The following CEMIP variants were observed in gnomAD, a reference collection of about 807,000 sequenced individuals.
CEMIP encodes the protein cell migration inducing hyaluronidase 1.
In CEMIP, 105 loss-of-function variants were observed where a neutral mutation model predicts 156.9. That is an observed-to-expected ratio of 0.67 (90% CI 0.57 to 0.79). The LOEUF (loss-of-function observed/expected upper bound fraction) is 0.79, where lower values mean the gene tolerates loss of function less well. Among genes scored for constraint, CEMIP ranks in the 30% least tolerant of loss-of-function variants. The pLI is 0.00. For synonymous variants in CEMIP, 676 were observed against 668.4 expected (o/e 1.01, Z -0.17); for missense variants, 1,457 against 1,769.4 (o/e 0.82, Z 3.17).
At chr15:80,873,148 G>A (rs949733814) in intron 1 of CEMIP, among the ~76,000 whole-genome samples, 4 of 152,214 alleles carry the variant, frequency 2.6e-5, no homozygotes, top group Admixed American at 6.5e-5. Flanking sequence ...TAATGCAAGG[G>A]AGACTGAGGA....
chr15:80,882,757 TACAC>T (rs67853416), intron 6 of CEMIP, among the ~76,000 whole-genome samples: 45,824 of 149,816 alleles, frequency 0.31, 8,190 homozygotes, highest in Non-Finnish European at 0.42. Context: ...TGCACACACA[TACAC>T]ACACACACAC....
chr15:80,839,147 A>G (rs1897330353), intron 1 of CEMIP, among the ~76,000 whole-genome samples: 1 of 152,106 alleles, frequency 6.6e-6, no homozygotes, highest in Non-Finnish European at 1.5e-5. Flanking sequence ...TGGCAGCCAC[A>G]CTCAGTGAAG....
Position 80,874,024 on chromosome 15 carries a change from C to A in CEMIP, c.94+51C>A, listed in dbSNP as rs541560444. On this transcript the variant is annotated intron_variant, in intron 3 of 29. Coordinates refer to ENST00000394685, the MANE Select transcript of CEMIP (RefSeq NM_001293298.2). ...CTGTATCTCAGCATGGAAGGCACGGCCCCTCACTGGAGCAAGGCTGCTTTT... is the reference window on the plus strand; with the variant it reads ...CTGTATCTCAGCATGGAAGGCACGGACCCTCACTGGAGCAAGGCTGCTTTT... 4.7e-6 allele frequency: 7 copies of A among 1,493,008 alleles called. No individual in the cohort carries two copies. The South Asian group carries it at 7.2e-5, about 15-fold the overall frequency. 92.5% of individuals were successfully genotyped at this position (1,493,008 alleles called of 1,614,324 possible). A position where few individuals can be genotyped will look rare whatever the true frequency, so the allele number is the denominator to read the frequency against.
intron 1 of CEMIP, among the ~76,000 whole-genome samples, chr15:80,830,494 G>C (rs1015474815): frequency 2.6e-5 from 4 of 152,130 alleles, no homozygotes; most frequent in African/African-American, 9.7e-5. Context: ...CCACGACTAA[G>C]GATGGCCCCA....
intron 1 of CEMIP, among the ~76,000 whole-genome samples, chr15:80,806,158 C>T (rs554575822): frequency 6.6e-6 from 1 of 152,212 alleles, no homozygotes; most frequent in Non-Finnish European, 1.5e-5. Context: ...CTGGCATGCC[C>T]ATACCAACGT....
intron 1 of CEMIP, among the ~76,000 whole-genome samples, chr15:80,851,539 G>C (rs920752372): frequency 2.6e-5 from 4 of 152,198 alleles, no homozygotes; most frequent in Non-Finnish European, 5.9e-5. Flanking sequence ...GCTGAATAGA[G>C]GTGGGAAATA....
At chr15:80,835,774 T>C (rs572809274) in intron 1 of CEMIP, among the ~76,000 whole-genome samples, 1 of 152,334 alleles carries the variant, frequency 6.6e-6, no homozygotes, top group African/African-American at 2.4e-5. Context: ...GGTGCTATGA[T>C]CATCCACAGT....
intron 12 of CEMIP, chr15:80,900,763 A>C: frequency 2.9e-6 from 1 of 339,514 alleles, no homozygotes. Flanking sequence ...CTGGCTCTCC[A>C]TCTCCCTGTT....
chr15:80,890,553 C>CA (rs550860362), intron 10 of CEMIP, among the ~76,000 whole-genome samples: 144 of 150,650 alleles, frequency 9.6e-4, no homozygotes, highest in African/African-American at 3.4e-3. Context: ...CACCACTGTA[C>CA]TCCAGCCTGG....
chr15:80,803,368 C>T (rs1037663060), intron 1 of CEMIP, among the ~76,000 whole-genome samples: 5 of 152,114 alleles, frequency 3.3e-5, no homozygotes, highest in African/African-American at 1.2e-4. Flanking sequence ...ATGCTATTCT[C>T]CTGATAGATG....
intron 1 of CEMIP, among the ~76,000 whole-genome samples, chr15:80,795,760 C>T (rs1449548265): frequency 6.6e-6 from 1 of 151,930 alleles, no homozygotes; most frequent in Non-Finnish European, 1.5e-5. Context: ...ACAGCAAGAC[C>T]CCCATCTATA....
chr15:80,921,901 C>A, intron 16 of CEMIP, 108 bp from the exon 17 acceptor site: 1 of 1,433,148 alleles, frequency 7.0e-7, no homozygotes, highest in Non-Finnish European at 9.8e-7. Flanking sequence ...CTGTGGGTGA[C>A]GGCAGTAGCT....
intron 12 of CEMIP, chr15:80,897,239 A>C: frequency 2.2e-6 from 1 of 455,934 alleles, no homozygotes; most frequent in South Asian, 1.5e-5. Flanking sequence ...GAGAAAGCGT[A>C]TCCAATATAC....
chr15:80,929,274 T>A, intron 21 of CEMIP, 100 bp downstream of exon 21: 1 of 1,394,804 alleles, frequency 7.2e-7, no homozygotes, highest in South Asian at 1.2e-5. Flanking sequence ...CTGTTGACTA[T>A]GAATTCTTCT....
chr15:80,855,249 A>G (rs1897823213), intron 1 of CEMIP, among the ~76,000 whole-genome samples: 1 of 152,220 alleles, frequency 6.6e-6, no homozygotes, highest in African/African-American at 2.4e-5. Context: ...AGTAACATTT[A>G]TGGAACACAT....
intron 1 of CEMIP, among the ~76,000 whole-genome samples, chr15:80,793,559 C>T (rs1896138102): frequency 6.6e-6 from 1 of 152,134 alleles, no homozygotes; most frequent in Non-Finnish European, 1.5e-5. Context: ...ATGAGCCCTT[C>T]CTAAAGTGCA....
At chr15:80,940,617 C>G (rs1390985593) in intron 25 of CEMIP, among the ~76,000 whole-genome samples, 1 of 152,198 alleles carries the variant, frequency 6.6e-6, no homozygotes, top group East Asian at 1.9e-4. Context: ...TCAGTTTCTA[C>G]TTTACTCTGA....
At chr15:80,801,469 G>A (rs997560644) in intron 1 of CEMIP, among the ~76,000 whole-genome samples, 3 of 152,242 alleles carry the variant, frequency 2.0e-5, no homozygotes, top group Non-Finnish European at 4.4e-5. Context: ...CTGTGAGAGA[G>A]AAGGAAAGCA....
chr15:80,805,335 C>A (rs749649721), intron 1 of CEMIP, among the ~76,000 whole-genome samples: 6 of 152,278 alleles, frequency 3.9e-5, no homozygotes, highest in Admixed American at 6.5e-5. Flanking sequence ...CCTGCCCGCC[C>A]GGGACAATAT....
Sources: allele counts gnomAD v4.1 joint callset (sites outside exome capture counted in the v4.1 genomes callset), GRCh38; gene constraint gnomAD v4.1.1; transcripts MANE v1.5; gene names NCBI Gene and HGNC (gene_info 2026-07-23, HGNC 2026-07-21).